Variants in PLEC observed in about 807,000 individuals in gnomAD.
PLEC encodes plectin, also known as hemidesmosomal protein 1.
A neutral mutation model predicts 392.8 loss-of-function variants in PLEC; 216 were observed. That is an observed-to-expected ratio of 0.55 (90% confidence interval 0.49 to 0.62). The LOEUF is 0.62. Ranked by LOEUF, PLEC falls within the 20% of genes least tolerant of loss-of-function variation. The probability of loss-of-function intolerance (pLI) is 0.00; values close to 1 mark genes in which losing one functional copy is unlikely to be tolerated. For missense variants in PLEC, 6,863 were observed against 6,563.4 expected, an observed-to-expected ratio of 1.05 and a Z score of -1.58; for synonymous variants, 3,621 against 2,980.6, an observed-to-expected ratio of 1.21 and a Z score of -7.00.
In PLEC at chr8:143,929,409, C is replaced by G; in HGVS notation, c.3081+5G>C. The G allele has an allele frequency of 6.4e-7, 1 of 1,562,282 alleles. No individual in the cohort carries two copies. The highest frequency in any genetic ancestry group is 8.6e-7 in the Non-Finnish European group (1 of 1,156,234). ...TGGGACTGGATGGGGGGGGACGGCC[C>G]CTGCCTGCTGCTCGGCGATGCGCTG... On this transcript the variant is annotated splice_donor_5th_base_variant and intron_variant, in intron 24 of 31. Transcript: ENST00000345136.
rs782288992 is a variant in PLEC at position 143,920,971 on chromosome 8, G to A, written c.8850C>T (p.Ile2950=). ...TGATCTTGATGATCTTCTCCACTGT[G>A]ATCCGGCCCGTGCGGAACTGCCGCA... ...DLLRQFRTGR[I]TVEKIIKIII... Residue 2950 remains isoleucine (I), a synonymous_variant, in exon 32 of 32, where the codon ATC becomes ATT. Transcript: ENST00000345136. 6.2e-7 allele frequency: 1 copy of A among 1,613,148 alleles called. No homozygotes were observed. Among genetic ancestry groups the A allele is most frequent in the Non-Finnish European group, 8.5e-7 (1 of 1,180,032 alleles).
chr8:143,917,608 G>C lies in PLEC; in HGVS notation c.12213C>G (p.Leu4071=), dbSNP rs782567600. The part of the protein sequence containing the change: ...LPVEVAYKRG[L]FDEEMNEILT... ...GGATCTCGTTCATCTCCTCATCGAA[G>C]AGGCCGCGCTTGTAGGCCACCTCCA... Residue 4071 remains leucine (L), a synonymous_variant, in exon 32 of 32, where the codon CTC becomes CTG. Coordinates refer to ENST00000345136, the MANE Select transcript of PLEC (RefSeq NM_201384.3). 51 of 1,613,710 alleles carry C rather than the reference G, an allele frequency of 3.2e-5. No individual in the cohort carries two copies. The highest frequency in any genetic ancestry group is 4.2e-5 in the Non-Finnish European group (50 of 1,180,038).
At chr8:143,940,348 A>G (rs1830217476), upstream of PLEC, among the ~76,000 whole-genome samples, 1 of 152,188 alleles carries the variant, frequency 6.6e-6, no homozygotes, top group Non-Finnish European at 1.5e-5. Flanking sequence ...GGGAAGCCCC[A>G]GGAGGGGCCT....
At chr8:143,936,607 G>A (rs1367744957) in intron 5 of PLEC, among the ~76,000 whole-genome samples, 1 of 152,350 alleles carries the variant, frequency 6.6e-6, no homozygotes, top group Admixed American at 6.5e-5. Flanking sequence ...GGCTCTGCCT[G>A]CTCAGCTCTC....
Position 143,925,935 on chromosome 8 carries a change from G to C in PLEC, c.4045-51C>G, listed in dbSNP as rs781909277. 6.6e-5 allele frequency: 101 copies of C among 1,518,986 alleles called. 1 individual carries two copies. In the South Asian group the frequency reaches 1.0e-3, roughly 16 times the overall value. 94.1% of individuals were successfully genotyped at this position (1,518,986 alleles called of 1,614,324 possible). A position where few individuals can be genotyped will look rare whatever the true frequency, so the allele number is the denominator to read the frequency against. On this transcript the variant is annotated intron_variant, in intron 30 of 31. Transcript: ENST00000345136. The stretch of plus-strand genomic sequence containing the variant: ...AGAAGCAGAGAGAGTGTGAACACGG[G>C]CAGGCGCTGACGGGGCACGCACCGG...
upstream of PLEC, among the ~76,000 whole-genome samples, chr8:143,939,756 C>T (rs1194974613): frequency 6.6e-6 from 1 of 152,142 alleles, no homozygotes; most frequent in African/African-American, 2.4e-5. Flanking sequence ...CCGCCAGAAA[C>T]AGGAAACCGG....
upstream of PLEC, chr8:143,943,994 C>G (rs1439858903): frequency 6.6e-7 from 1 of 1,524,142 alleles, no homozygotes. Flanking sequence ...AGGGGGAGCG[C>G]CGGGACCGGA....
At position 143,920,198 on chromosome 8, in the gene PLEC, C is replaced by A. The variant is rs1456147504; in HGVS notation, c.9623G>T (p.Ser3208Ile). Reference protein sequence around the residue: ...RCRPDQLTGLSLLPLSEKAAR... With the variant: ...RCRPDQLTGLILLPLSEKAAR... ...AGCCTTTTCTGAGAGCGGCAGCAGG[C>A]TCAGCCCGGTCAGCTGGTCGGGCCG... Residue 3208 changes from serine (S) to isoleucine (I), a missense_variant, in exon 32 of 32, where the codon AGC (serine) becomes ATC (isoleucine). Transcript: ENST00000345136. 2 of 1,610,272 alleles carry A rather than the reference C, an allele frequency of 1.2e-6. No homozygotes were observed. Among genetic ancestry groups the A allele is most frequent in the Non-Finnish European group, 1.7e-6 (2 of 1,179,710 alleles).
Position 143,927,069 on chromosome 8 carries a change from G to A in PLEC, c.3853C>T (p.Gln1285Ter), listed in dbSNP as rs1554706579. 2.5e-6 allele frequency: 4 copies of A among 1,610,868 alleles called. No individual in the cohort carries two copies. Among genetic ancestry groups the A allele is most frequent in the Non-Finnish European group, 2.5e-6 (3 of 1,179,798 alleles). Residue 1285 changes from glutamine to a stop codon, truncating the protein, a stop_gained, in exon 29 of 32, where the codon CAG becomes TAG. Coordinates refer to ENST00000345136, the MANE Select transcript of PLEC (RefSeq NM_201384.3). LOFTEE classifies it high-confidence loss of function. Reference protein sequence around the residue: ...YINAIKDYELQLVTYKAQLEP... With the variant: ...YINAIKDYEL ...AGCTGCGCCTTGTACGTCACCAGCT[G>A]GAGTTCATAGTCCTGTGGCAATGCA... is the stretch of plus-strand genomic sequence containing the variant.
At position 143,922,531 on chromosome 8, in the gene PLEC, G is replaced by C. The variant is rs1823198351; in HGVS notation, c.7398C>G (p.Ala2466=). ...CCTCAGACTTGAGCTGCAGCAGTTT[G>C]GCCTCCTGTTGGAGCTTCTCCTTCT... The part of the protein sequence containing the change: ...EREKEKLQQE[A]KLLQLKSEEM... The change falls in exon 31 of 32, where the codon GCC becomes GCG. Residue 2466 remains alanine, a synonymous_variant. Coordinates refer to ENST00000345136, the MANE Select transcript of PLEC (RefSeq NM_201384.3). The C allele has an allele frequency of 6.2e-7, 1 of 1,611,520 alleles. No homozygotes were observed. Among genetic ancestry groups the C allele is most frequent in the African/African-American group, 1.3e-5 (1 of 74,936 alleles).
At chr8:143,944,624 G>A (rs1312905024) in intron 1 of PLEC, 2 of 1,316,964 alleles carry the variant, frequency 1.5e-6, no homozygotes, top group East Asian at 2.8e-5. Flanking sequence ...GATTTCACAA[G>A]GCTTTCAAGG....
At chr8:143,936,302 C>T (rs1829034577) in intron 5 of PLEC, among the ~76,000 whole-genome samples, 4 of 152,216 alleles carry the variant, frequency 2.6e-5, no homozygotes. Flanking sequence ...GTGCCCACTC[C>T]CCTAGCTGGG....
Position 143,918,852 on chromosome 8 carries a change from T to C in PLEC, c.10969A>G (p.Ile3657Val), listed in dbSNP as rs1554676390. Reference protein sequence around the residue: ...LTAEDLFEARIISLETYNLLR... With the variant: ...LTAEDLFEARVISLETYNLLR... ...AGGTTGTAGGTCTCGAGAGAGATGA[T>C]CCGAGCCTCGAACAGGTCCTCAGCC... Residue 3657 changes from isoleucine to valine, a missense_variant, in exon 32 of 32, where the codon ATC becomes GTC. Physicochemically the swap from Ile to Val is conservative, Grantham distance 29. Coordinates refer to ENST00000345136, the MANE Select transcript of PLEC (RefSeq NM_201384.3). The C allele has an allele frequency of 1.2e-6, 2 of 1,612,960 alleles. No individual in the cohort carries two copies. Among genetic ancestry groups the C allele is most frequent in the Admixed American group, 3.3e-5 (2 of 60,032 alleles).
At position 143,918,211 on chromosome 8, in the gene PLEC, G is replaced by A. The variant is rs781944689; in HGVS notation, c.11610C>T (p.Thr3870=). The A allele has an allele frequency of 2.9e-5, 46 of 1,577,504 alleles. No homozygotes were observed. Among genetic ancestry groups the A allele is most frequent in the Admixed American group, 2.1e-4 (12 of 56,594 alleles). The change falls in exon 32 of 32, where the codon ACC becomes ACT. Residue 3870 remains threonine (T), a synonymous_variant. Coordinates refer to ENST00000345136, the MANE Select transcript of PLEC (RefSeq NM_201384.3). Reference sequence around the variant, plus strand: ...CCGACAGTGGCAGGAGCAGCTGGCCGGTGCCGTCGTCACGACGGCACCGCC... The same window carrying A: ...CCGACAGTGGCAGGAGCAGCTGGCCAGTGCCGTCGTCACGACGGCACCGCC... ...LLRRCRRDDG[T]GQLLLPLSDA...
In PLEC at chr8:143,924,234, G is replaced by A. The variant is rs376723477; in HGVS notation, c.5695C>T (p.Arg1899Cys). The A allele has an allele frequency of 3.5e-5, 56 of 1,598,494 alleles. No homozygotes were observed. Among genetic ancestry groups the A allele is most frequent in the East Asian group, 8.9e-5 (4 of 44,822 alleles). The change falls in exon 31 of 32, where the codon CGC becomes TGC. Residue 1899 changes from arginine to cysteine, a missense_variant. Coordinates refer to ENST00000345136, the MANE Select transcript of PLEC (RefSeq NM_201384.3). ...ADIEERLAQL[R>C]KASDSELERQ... Reference sequence around the variant, plus strand: ...TCCAGCTCGCTGTCCGATGCCTTGCGCAGCTGGGCCAGGCGCTCCTCGATG... The same window carrying A: ...TCCAGCTCGCTGTCCGATGCCTTGCACAGCTGGGCCAGGCGCTCCTCGATG...
chr8:143,931,928 G>C lies in PLEC; in HGVS notation c.2178+9C>G, dbSNP rs114256617. 8,433 of 1,600,436 alleles carry C rather than the reference G, an allele frequency of 5.3e-3. 387 individuals carry two copies. The African/African-American group carries it at 0.099, about 19-fold the overall frequency. The stretch of plus-strand genomic sequence containing the variant: ...TGAGCCACAGTGCGGAGGGGGCTCC[G>C]GTTCTCACCTGAAAGTAGGCAGCGT... On this transcript the variant is annotated intron_variant, in intron 18 of 31. Transcript: ENST00000345136.
rs1554711982 is a variant in PLEC at position 143,929,781 on chromosome 8, C to T, written c.2788G>A (p.Glu930Lys). 4 of 1,600,326 alleles carry T rather than the reference C, an allele frequency of 2.5e-6. No homozygotes were observed. The highest frequency in any genetic ancestry group is 2.5e-6 in the Non-Finnish European group (3 of 1,179,076). Residue 930 changes from glutamate to lysine, a missense_variant, in exon 23 of 32, where the codon GAG becomes AAG. Coordinates refer to ENST00000345136, the MANE Select transcript of PLEC (RefSeq NM_201384.3). ...EEQRQALHSL[E>K]LHYQAFLRDS... ...CGCAGGAAGGCCTGGTAGTGCAGCTCCAGGCTGTGCAGGGCTTGGCGCTGC... is the reference window on the plus strand; with the variant it reads ...CGCAGGAAGGCCTGGTAGTGCAGCTTCAGGCTGTGCAGGGCTTGGCGCTGC...
rs1554668138 is a variant in PLEC at position 143,916,181 on chromosome 8, G to C, written c.13640C>G (p.Ala4547Gly). The C allele has an allele frequency of 3.2e-6, 5 of 1,539,370 alleles. No homozygotes were observed. Among genetic ancestry groups the C allele is most frequent in the Non-Finnish European group, 4.4e-6 (5 of 1,142,882 alleles). ...ASLGGPESAV[A>G] ...GCGGGGTGGGCGCAGGCAGCCTCAG[G>C]CCACGGCAGACTCAGGGCCCCCCAG... Residue 4547 changes from alanine to glycine, a missense_variant, in exon 32 of 32, where the codon GCC becomes GGC. By Grantham distance (60) the Ala-to-Gly change is moderately conservative. Transcript: ENST00000345136.
Position 143,921,217 on chromosome 8 carries a change from C to T in PLEC, c.8604G>A (p.Leu2868=), listed in dbSNP as rs1336843059. Residue 2868 remains leucine (L), a synonymous_variant, in exon 32 of 32, where the codon CTG becomes CTA. Coordinates refer to ENST00000345136, the MANE Select transcript of PLEC (RefSeq NM_201384.3). ...THENLTYLQL[L]ERCVEDPETG... is the part of the protein sequence containing the mutation. ...TCTCGGGGTCCTCCACGCAGCGCTC[C>T]AGTAGCTGCAGGTACGTGAGGTTCT... The T allele has an allele frequency of 1.4e-5, 23 of 1,614,092 alleles. No homozygotes were observed. The highest frequency in any genetic ancestry group is 1.9e-5 in the Non-Finnish European group (23 of 1,180,050).
Sources: allele counts gnomAD v4.1 joint callset (sites outside exome capture counted in the v4.1 genomes callset), GRCh38; gene constraint gnomAD v4.1.1; transcripts MANE v1.5; gene names NCBI Gene and HGNC (gene_info 2026-07-23, HGNC 2026-07-21).